GMDS: variants seen among roughly 807,000 people sequenced by gnomAD.
The protein encoded by GMDS is GDP-mannose 4,6-dehydratase, also known as GDP-mannose 4,6 dehydratase.
In GMDS, 20 loss-of-function variants were observed where a neutral mutation model predicts 49.9. The ratio of observed to expected loss-of-function variants is 0.40; its 90% CI spans 0.28 to 0.58. GMDS has a LOEUF of 0.58. Ranked by LOEUF, GMDS falls within the 20% of genes least tolerant of loss-of-function variation. The pLI, the probability that GMDS is intolerant of heterozygous loss-of-function variation, is 0.42. For missense variants in GMDS, 362 were observed against 481.4 expected, an observed-to-expected ratio of 0.75 and a Z score of 2.32; for synonymous variants, 177 against 178.6, an observed-to-expected ratio of 0.99 and a Z score of 0.07.
At chr6:2,057,484 A>C (rs1328400051) in intron 4 of GMDS, among the ~76,000 whole-genome samples, 1 of 152,204 alleles carries the variant, frequency 6.6e-6, no homozygotes, top group Non-Finnish European at 1.5e-5. Flanking sequence ...AAAACCTCAC[A>C]CTTTAATTGC....
intron 7 of GMDS, among the ~76,000 whole-genome samples, chr6:1,806,094 C>CATAGTGAG (rs1197982459): frequency 3.9e-5 from 6 of 151,900 alleles, no homozygotes; most frequent in African/African-American, 1.5e-4. Flanking sequence ...GCCTGGGCAA[C>CATAGTGAG]ATAGTGAGAC....
intron 4 of GMDS, among the ~76,000 whole-genome samples, chr6:2,107,952 C>G (rs1774333841): frequency 6.6e-6 from 1 of 152,144 alleles, no homozygotes; most frequent in Non-Finnish European, 1.5e-5. Context: ...TGCTAACAAA[C>G]TAGAGTGATT....
Position 1,695,478 on chromosome 6 carries a change from T to A in GMDS, c.987+30938A>T, listed in dbSNP as rs183740904. Among the ~76,000 whole-genome samples, 22 of 152,334 alleles carry A rather than the reference T, an allele frequency of 1.4e-4. No homozygotes were observed. The East Asian group carries it at 4.0e-3, about 28-fold the overall frequency. ...TGAATGGTTCAACTGTGTGTCCTATTTCAGAAGAGGAAGGGGTGACAGTGA... is the reference window on the plus strand; with the variant it reads ...TGAATGGTTCAACTGTGTGTCCTATATCAGAAGAGGAAGGGGTGACAGTGA... On this transcript the variant is annotated intron_variant, in intron 9 of 10. Coordinates refer to ENST00000380815, the MANE Select transcript of GMDS (RefSeq NM_001500.4).
At chr6:2,054,289 A>T (rs145491724) in intron 4 of GMDS, among the ~76,000 whole-genome samples, 139 of 152,256 alleles carry the variant, frequency 9.1e-4, no homozygotes, top group African/African-American at 3.1e-3. Flanking sequence ...CACATATAGT[A>T]ACTATAAACC....
chr6:2,150,385 T>A (rs981905072), intron 1 of GMDS, among the ~76,000 whole-genome samples: 8 of 152,176 alleles, frequency 5.3e-5, no homozygotes, highest in Non-Finnish European at 1.0e-4. Context: ...CTTTCTATTT[T>A]AAAAAAATAA....
At chr6:1,631,983 C>A (rs746975334) in intron 9 of GMDS, among the ~76,000 whole-genome samples, 4 of 152,208 alleles carry the variant, frequency 2.6e-5, no homozygotes, top group Non-Finnish European at 4.4e-5. Context: ...CATTTGGCCA[C>A]CCATCATCAC....
At chr6:1,645,435 C>T (rs550701487) in intron 9 of GMDS, among the ~76,000 whole-genome samples, 4 of 152,302 alleles carry the variant, frequency 2.6e-5, no homozygotes, top group South Asian at 2.1e-4. Context: ...GTGCAAATGG[C>T]GCCTTCTACC....
Position 1,974,576 on chromosome 6 carries a change from G to A in GMDS, c.346-13610C>T, listed in dbSNP as rs553385736. On this transcript the variant is annotated intron_variant, in intron 4 of 10. Transcript: ENST00000380815. ...TCAAACTGATGTTTGAGACAGGCAGGTAGGAACACTGGTAAATATCAAGGA... is the reference window on the plus strand; with the variant it reads ...TCAAACTGATGTTTGAGACAGGCAGATAGGAACACTGGTAAATATCAAGGA... Among the ~76,000 whole-genome samples the A allele has an allele frequency of 1.6e-4, 24 of 152,284 alleles. No homozygotes were observed. In the South Asian group the frequency reaches 4.8e-3, roughly 30 times the overall value.
intron 1 of GMDS, among the ~76,000 whole-genome samples, chr6:2,174,549 TTTTTGTTTTG>T (rs199605602): frequency 2.2e-4 from 33 of 151,488 alleles, no homozygotes; most frequent in Non-Finnish European, 2.9e-4. Context: ...TGCCTAGTTT[TTTTTGTTTTG>T]TTTTGTTTTG....
At chr6:2,026,497 A>G (rs1420682391) in intron 4 of GMDS, among the ~76,000 whole-genome samples, 1 of 152,252 alleles carries the variant, frequency 6.6e-6, no homozygotes, top group African/African-American at 2.4e-5. Flanking sequence ...TTCTCTTAGC[A>G]TGATATTCAA....
At chr6:2,071,211 C>G (rs533434043) in intron 4 of GMDS, among the ~76,000 whole-genome samples, 2 of 152,268 alleles carry the variant, frequency 1.3e-5, no homozygotes, top group South Asian at 4.1e-4. Flanking sequence ...ATCCTAAATT[C>G]CCTGTTAAAT....
intron 4 of GMDS, among the ~76,000 whole-genome samples, chr6:2,033,673 T>G (rs1200866170): frequency 6.6e-6 from 1 of 152,206 alleles, no homozygotes; most frequent in Non-Finnish European, 1.5e-5. Context: ...CGCCATTGCT[T>G]TTATTGCCCC....
At chr6:2,063,841 G>C (rs187941995) in intron 4 of GMDS, among the ~76,000 whole-genome samples, 86 of 152,336 alleles carry the variant, frequency 5.6e-4, no homozygotes, top group Admixed American at 1.1e-3. Flanking sequence ...AATGTGGAGT[G>C]AGAACGAGCC....
At chr6:1,677,147 G>T (rs1432107502) in intron 9 of GMDS, among the ~76,000 whole-genome samples, 1 of 152,204 alleles carries the variant, frequency 6.6e-6, no homozygotes, top group African/African-American at 2.4e-5. Flanking sequence ...CTCAAAAGAA[G>T]ATATTTATGC....
chr6:1,687,396 T>G (rs578090479), intron 9 of GMDS, among the ~76,000 whole-genome samples: 51 of 152,306 alleles, frequency 3.3e-4, no homozygotes, highest in African/African-American at 1.0e-3. Flanking sequence ...GTCAAGGTCT[T>G]GCCTAAGATC....
At chr6:2,209,764 A>C (rs1779983494) in intron 1 of GMDS, among the ~76,000 whole-genome samples, 2 of 152,162 alleles carry the variant, frequency 1.3e-5, no homozygotes, top group Admixed American at 1.3e-4. Context: ...AATTGGGAGG[A>C]AAATCTATCT....
At chr6:1,757,867 G>T (rs977760122) in intron 7 of GMDS, among the ~76,000 whole-genome samples, 5 of 152,168 alleles carry the variant, frequency 3.3e-5, no homozygotes, top group Non-Finnish European at 5.9e-5. Context: ...AAAAGAAAAG[G>T]TGAAGCTAAA....
At chr6:1,666,610 C>T (rs1260022464) in intron 9 of GMDS, among the ~76,000 whole-genome samples, 9 of 152,156 alleles carry the variant, frequency 5.9e-5, no homozygotes, top group South Asian at 4.1e-4. Context: ...TTTCACGTGA[C>T]GGTGGTGTGA....
intron 4 of GMDS, among the ~76,000 whole-genome samples, chr6:2,102,036 A>G (rs920707717): frequency 3.9e-5 from 6 of 152,136 alleles, no homozygotes; most frequent in East Asian, 1.9e-4. Flanking sequence ...AAAGACAAAC[A>G]AGGCAAGTAT....
Sources: gnomAD v4.1 joint callset for allele counts (sites outside exome capture counted in the v4.1 genomes callset) on GRCh38, gnomAD v4.1.1 for gene constraint, MANE v1.5 for transcripts, NCBI Gene and HGNC (gene_info 2026-07-23, HGNC 2026-07-21) for gene names.